The following UBE2V2 variants were observed in gnomAD, a reference collection of about 807,000 sequenced individuals.
The protein encoded by UBE2V2 is ubiquitin conjugating enzyme E2 V2.
Under a neutral mutation model 17.2 loss-of-function variants are expected in UBE2V2, and 9 were observed. The observed-to-expected ratio is 0.52, with a 90% confidence interval of 0.32 to 0.91. UBE2V2 has a LOEUF of 0.91. UBE2V2 is among the 40% of genes least tolerant of loss of function. The probability of loss-of-function intolerance (pLI) is 0.04; values close to 1 mark genes in which losing one functional copy is unlikely to be tolerated. For missense variants in UBE2V2, 133 were observed against 182.6 expected (o/e 0.73, Z 1.56); for synonymous variants, 61 against 57.5 (o/e 1.06, Z -0.28).
intron 3 of UBE2V2, among the ~76,000 whole-genome samples, chr8:48,057,704 A>G (rs1234482473): frequency 6.6e-6 from 1 of 151,818 alleles, no homozygotes; most frequent in Non-Finnish European, 1.5e-5. Context: ...GAGGGGAGAT[A>G]TTTTACAGTT....
chr8:48,048,916 AATAATT>A (rs1329211066), intron 2 of UBE2V2, among the ~76,000 whole-genome samples: 1 of 151,888 alleles, frequency 6.6e-6, no homozygotes, highest in East Asian at 1.9e-4. Context: ...TTAAAGTTTC[AATAATT>A]ATAATTCTCT....
intron 3 of UBE2V2, among the ~76,000 whole-genome samples, chr8:48,059,190 C>T (rs1215253940): frequency 6.6e-6 from 1 of 152,028 alleles, no homozygotes; most frequent in Non-Finnish European, 1.5e-5. Context: ...CCGCCTCGGC[C>T]TCCCAAAGTG....
At position 48,025,221 on chromosome 8, in the gene UBE2V2, G is replaced by A. The variant is rs2091332962; in HGVS notation, c.16+16751G>A. ...CAAAGTGCTGGGATTACAGGCGTGA[G>A]CCACCATGCCTGGCCAGTGATTCTT... On this transcript the variant is annotated intron_variant, in intron 1 of 3. Transcript: ENST00000523111. Among the ~76,000 whole-genome samples the A allele has an allele frequency of 2.0e-5, 3 of 151,634 alleles. No homozygotes were observed. The South Asian group carries it at 6.2e-4, about 32-fold the overall frequency.
intron 1 of UBE2V2, among the ~76,000 whole-genome samples, chr8:48,015,423 A>G (rs751680815): frequency 6.6e-6 from 1 of 152,174 alleles, no homozygotes; most frequent in East Asian, 1.9e-4. Flanking sequence ...TTTGAAGTAC[A>G]TTATCTGTAC....
intron 3 of UBE2V2, among the ~76,000 whole-genome samples, chr8:48,060,026 T>C (rs904366797): frequency 6.6e-6 from 1 of 151,676 alleles, no homozygotes; most frequent in Non-Finnish European, 1.5e-5. Context: ...GGCAACATGG[T>C]GAAACCCTGT....
At chr8:48,003,605 G>A (rs2091166007), upstream of UBE2V2, among the ~76,000 whole-genome samples, 1 of 152,138 alleles carries the variant, frequency 6.6e-6, no homozygotes. Context: ...CTTGGCTATT[G>A]AGGCCCCACA....
intron 1 of UBE2V2, among the ~76,000 whole-genome samples, chr8:48,017,462 C>T (rs979684488): frequency 6.6e-6 from 1 of 151,646 alleles, no homozygotes; most frequent in African/African-American, 2.4e-5. Context: ...CAAGCTCTGC[C>T]TCCTGGGTTC....
At position 48,049,967 on chromosome 8, in the gene UBE2V2, T is replaced by C. The variant is rs765228877; in HGVS notation, c.280T>C (p.Ser94Pro). The change falls in exon 3 of 4, where the codon TCC (serine) becomes CCC (proline). Residue 94 changes from serine (S) to proline (P), a missense_variant. By Grantham distance (74) the Ser-to-Pro change is moderately conservative. Transcript: ENST00000523111. ...TKINMNGINN[S>P]SGMVDARSIP... ...AATTAATATGAACGGAATAAATAAT[T>C]CCAGTGGGATGGTAAGTTAATATAG... is the stretch of plus-strand genomic sequence containing the variant. 3 of 1,549,924 alleles carry C rather than the reference T, an allele frequency of 1.9e-6. No individual in the cohort carries two copies. The highest frequency in any genetic ancestry group is 1.7e-6 in the Non-Finnish European group (2 of 1,151,082).
the UBE2V2 span, among the ~76,000 whole-genome samples, chr8:48,001,431 T>C: frequency 2.4e-4 from 37 of 152,082 alleles, no homozygotes; most frequent in African/African-American, 8.7e-4. Context: ...GAAACCTGTC[T>C]CTACAAAAAA....
At chr8:48,008,315 C>T (rs557859915), upstream of UBE2V2, 127 of 1,175,804 alleles carry the variant, frequency 1.1e-4, no homozygotes, top group South Asian at 1.9e-4. Context: ...CCTCGGCCCA[C>T]GTGCGCGCTG....
intron 1 of UBE2V2, 44 bp from the exon 2 acceptor site, chr8:48,042,989 T>C (rs200281870): frequency 4.3e-6 from 6 of 1,382,636 alleles, no homozygotes; most frequent in Admixed American, 2.6e-5. Context: ...GTAGCTCTTA[T>C]AATTATGAGC....
intron 1 of UBE2V2, among the ~76,000 whole-genome samples, chr8:48,030,924 AGGC>A (rs1201352352): frequency 3.9e-5 from 6 of 152,188 alleles, no homozygotes; most frequent in Non-Finnish European, 5.9e-5. Flanking sequence ...TGGGAGGCTG[AGGC>A]GGGAGAATCT....
At chr8:48,060,093 C>T (rs1240733501) in intron 3 of UBE2V2, among the ~76,000 whole-genome samples, 2 of 150,720 alleles carry the variant, frequency 1.3e-5, no homozygotes, top group East Asian at 3.9e-4. Context: ...GTAATCCCAG[C>T]TACTTGGGAG....
At position 48,064,067 on chromosome 8, in the gene UBE2V2, C is replaced by A. The variant is rs1802630639; in HGVS notation, c.*3239C>A. The A allele has an allele frequency of 6.6e-6, 1 of 152,158 alleles. No homozygotes were observed. The highest frequency in any genetic ancestry group is 1.5e-5 in the Non-Finnish European group (1 of 68,030). 9.4% of individuals were successfully genotyped at this position (152,158 alleles called of 1,614,324 possible). ...CTGTAGCCTGCCATCAAAACTGTATCAACTCTTTTAATGAGCATGTGACTG... is the reference window on the plus strand; with the variant it reads ...CTGTAGCCTGCCATCAAAACTGTATAAACTCTTTTAATGAGCATGTGACTG... On this transcript the variant is annotated 3_prime_UTR_variant, in exon 4 of 4. Coordinates refer to ENST00000523111, the MANE Select transcript of UBE2V2 (RefSeq NM_003350.3).
intron 2 of UBE2V2, among the ~76,000 whole-genome samples, chr8:48,049,128 A>G (rs967994788): frequency 1.3e-5 from 2 of 152,200 alleles, no homozygotes; most frequent in Non-Finnish European, 2.9e-5. Flanking sequence ...CTATTTGAAA[A>G]TGATGTGTAA....
At position 48,039,381 on chromosome 8, in the gene UBE2V2, T is replaced by A. The variant is rs558136812; in HGVS notation, c.17-3652T>A. On this transcript the variant is annotated intron_variant, in intron 1 of 3. Transcript: ENST00000523111. The stretch of plus-strand genomic sequence containing the variant: ...ATCAAGAATTATCAGACTTAGTATT[T>A]GTCAGTTTGGTGGCTAGAATAAGCC... Among the ~76,000 whole-genome samples, 13 of 152,322 alleles carry A rather than the reference T, an allele frequency of 8.5e-5. No homozygotes were observed. The South Asian group carries it at 2.7e-3, about 32-fold the overall frequency.
At chr8:48,056,980 C>T (rs1318980474) in intron 3 of UBE2V2, among the ~76,000 whole-genome samples, 1 of 152,062 alleles carries the variant, frequency 6.6e-6, no homozygotes, top group Non-Finnish European at 1.5e-5. Flanking sequence ...CCTGCCTTGG[C>T]CTCCCAAAGT....
upstream of UBE2V2, among the ~76,000 whole-genome samples, chr8:48,005,792 T>G (rs1213722499): frequency 1.3e-5 from 2 of 152,238 alleles, no homozygotes; most frequent in Non-Finnish European, 2.9e-5. Flanking sequence ...TTTTTTCATG[T>G]TTGTTGGCTG....
intron 1 of UBE2V2, among the ~76,000 whole-genome samples, chr8:48,013,584 C>T (rs1472938046): frequency 6.6e-6 from 1 of 152,186 alleles, no homozygotes; most frequent in Non-Finnish European, 1.5e-5. Context: ...GCTGGGATTA[C>T]AGGCGTGAGC....
Sources: gnomAD v4.1 joint callset for allele counts (sites outside exome capture counted in the v4.1 genomes callset) on GRCh38, gnomAD v4.1.1 for gene constraint, MANE v1.5 for transcripts, NCBI Gene and HGNC (gene_info 2026-07-23, HGNC 2026-07-21) for gene names.